TRERF1: variants seen among roughly 807,000 people sequenced by gnomAD.
TRERF1 encodes the protein transcriptional-regulating factor 1.
Under a neutral mutation model 122.9 loss-of-function variants are expected in TRERF1, and 27 were observed. The observed-to-expected ratio is 0.22, with a 90% CI of 0.16 to 0.30. The LOEUF is 0.30. Ranked by LOEUF, TRERF1 falls within the 10% of genes least tolerant of loss-of-function variation. The pLI is 1.00. For missense variants in TRERF1, 1,248 were observed against 1,560.3 expected, an observed-to-expected ratio of 0.80 and a Z score of 3.37; for synonymous variants, 636 against 641.7, an observed-to-expected ratio of 0.99 and a Z score of 0.13.
intron 2 of TRERF1, among the ~76,000 whole-genome samples, chr6:42,386,024 A>C (rs1357359765): frequency 6.6e-6 from 1 of 152,186 alleles, no homozygotes; most frequent in African/African-American, 2.4e-5. Flanking sequence ...CAGAATAACA[A>C]TTCAGAGATT....
intron 2 of TRERF1, among the ~76,000 whole-genome samples, chr6:42,377,853 A>C (rs1382409975): frequency 1.3e-5 from 2 of 152,204 alleles, no homozygotes; most frequent in East Asian, 3.9e-4. Context: ...TGGTAACCTA[A>C]GATGGAAGTG....
chr6:42,375,710 C>T (rs1323585384), intron 2 of TRERF1, among the ~76,000 whole-genome samples: 1 of 152,116 alleles, frequency 6.6e-6, no homozygotes, highest in Admixed American at 6.5e-5. Context: ...CTGAACTAAA[C>T]TGGTCTTGAA....
In TRERF1 at chr6:42,263,125, A is replaced by T. The variant is rs550468363; in HGVS notation, c.1884+195T>A. On this transcript the variant is annotated intron_variant, in intron 8 of 17. Coordinates refer to ENST00000372922, the Ensembl canonical transcript of TRERF1. The surrounding 1 kb of genome is among the most constrained non-coding windows in gnomAD (Gnocchi z 5.6). ...AGTGTGAACAAGGGTAGGGTTCCCA[A>T]TGTGGCCACGGGTTCAGCCCTGAGA... 1.1e-5 allele frequency: 15 copies of T among 1,306,434 alleles called. No homozygotes were observed. The highest frequency in any genetic ancestry group is 2.5e-5 in the South Asian group (1 of 40,292). The allele number at this position is 1,306,434 out of a possible 1,614,324, so 80.9% of individuals were successfully genotyped here.
At chr6:42,365,705 C>A (rs917595252) in intron 2 of TRERF1, among the ~76,000 whole-genome samples, 1 of 152,102 alleles carries the variant, frequency 6.6e-6, no homozygotes, top group African/African-American at 2.4e-5. Flanking sequence ...AGATTTGAAA[C>A]CTTCCACTTC....
rs777652690 is a variant in TRERF1 at position 42,269,064 on chromosome 6, G to T, written c.527C>A (p.Ala176Asp). 37 of 1,614,080 alleles carry T rather than the reference G, an allele frequency of 2.3e-5. No homozygotes were observed. In the East Asian group the frequency reaches 8.2e-4, roughly 36 times the overall value. The stretch of plus-strand genomic sequence containing the variant: ...CAGCTGGCGGAGAGCACTGTCAGGG[G>T]CTCCATCCATCACTGCTGACTGAGT... The change falls in exon 5 of 18, where the codon GCC (alanine) becomes GAC (aspartate). Residue 176 changes from alanine (A) to aspartate (D), a missense_variant. Transcript: ENST00000372922. This position sits in a 1 kb window ranked among gnomAD's most constrained non-coding sequence, Gnocchi z 4.9.
chr6:42,282,943 A>G (rs979847422), intron 4 of TRERF1, among the ~76,000 whole-genome samples: 2 of 152,106 alleles, frequency 1.3e-5, no homozygotes, highest in African/African-American at 4.8e-5. Context: ...TTTAACATCT[A>G]TTTTTTTCAT....
At chr6:42,415,347 C>T (rs183290960) in intron 2 of TRERF1, among the ~76,000 whole-genome samples, 98 of 152,042 alleles carry the variant, frequency 6.4e-4, no homozygotes, top group African/African-American at 2.2e-3. Flanking sequence ...TATCTTTTGA[C>T]TTTGTTTACA....
At chr6:42,299,086 A>G (rs1347545822) in intron 4 of TRERF1, among the ~76,000 whole-genome samples, 1 of 120,006 alleles carries the variant, frequency 8.3e-6, no homozygotes, top group Non-Finnish European at 1.7e-5. Context: ...AAAAATATCT[A>G]TCTATCTATC....
chr6:42,350,288 T>G (rs1249270723), intron 3 of TRERF1, among the ~76,000 whole-genome samples: 1 of 152,226 alleles, frequency 6.6e-6, no homozygotes, highest in Non-Finnish European at 1.5e-5. Flanking sequence ...ACATGTGATT[T>G]GCTTCGGGTC....
At chr6:42,435,964 T>C (rs1406829278) in intron 2 of TRERF1, among the ~76,000 whole-genome samples, 2 of 141,096 alleles carry the variant, frequency 1.4e-5, no homozygotes, top group African/African-American at 2.6e-5. Flanking sequence ...CAGGCGACAG[T>C]GCGAGACTCC....
At chr6:42,415,213 A>C (rs544662627) in intron 2 of TRERF1, among the ~76,000 whole-genome samples, 1 of 152,258 alleles carries the variant, frequency 6.6e-6, no homozygotes, top group South Asian at 2.1e-4. Context: ...ATTTCTATCC[A>C]TGTCCTTTTG....
At chr6:42,408,373 C>A (rs143818031) in intron 2 of TRERF1, among the ~76,000 whole-genome samples, 225 of 62,934 alleles carry the variant, frequency 3.6e-3, no homozygotes, top group East Asian at 0.014. Flanking sequence ...ATATATATAT[C>A]TTTTTTTTTT....
At chr6:42,362,239 A>G (rs911168787) in intron 3 of TRERF1, among the ~76,000 whole-genome samples, 1 of 152,222 alleles carries the variant, frequency 6.6e-6, no homozygotes, top group Non-Finnish European at 1.5e-5. Context: ...ATCAGGCACA[A>G]TAAAAAAGAA....
intron 3 of TRERF1, among the ~76,000 whole-genome samples, chr6:42,320,809 CTAA>C (rs1763309048): frequency 6.6e-6 from 1 of 152,146 alleles, no homozygotes; most frequent in African/African-American, 2.4e-5. Context: ...CGCACCTGGC[CTAA>C]TAATTTTTTT....
At chr6:42,404,960 C>G (rs570701799) in intron 2 of TRERF1, among the ~76,000 whole-genome samples, 2 of 152,250 alleles carry the variant, frequency 1.3e-5, no homozygotes, top group East Asian at 3.9e-4. Flanking sequence ...ATACCCACCC[C>G]CAGGCTACAG....
At chr6:42,361,216 G>A (rs1384100211) in intron 3 of TRERF1, among the ~76,000 whole-genome samples, 11 of 152,308 alleles carry the variant, frequency 7.2e-5, no homozygotes, top group Admixed American at 6.5e-4. Flanking sequence ...AGTCTGCAAC[G>A]TGAAAGCAAC....
chr6:42,398,740 T>C (rs575287703), intron 2 of TRERF1, among the ~76,000 whole-genome samples: 1 of 152,350 alleles, frequency 6.6e-6, no homozygotes, highest in Non-Finnish European at 1.5e-5. Flanking sequence ...GGTGGTTGGA[T>C]GGACGAATGT....
intron 4 of TRERF1, among the ~76,000 whole-genome samples, chr6:42,291,698 T>C (rs542572803): frequency 3.3e-5 from 5 of 151,092 alleles, no homozygotes; most frequent in Non-Finnish European, 7.4e-5. Context: ...CACGCCCGGC[T>C]GTTTTTTTTT....
intron 2 of TRERF1, among the ~76,000 whole-genome samples, chr6:42,435,072 A>C (rs558166688): frequency 6.6e-6 from 1 of 152,130 alleles, no homozygotes; most frequent in East Asian, 1.9e-4. Context: ...CAGAGGTTGC[A>C]GTGAGCCGAG....
Sources: allele counts gnomAD v4.1 joint callset (sites outside exome capture counted in the v4.1 genomes callset), GRCh38; gene constraint gnomAD v4.1.1; non-coding constraint Gnocchi (gnomAD v3.1); transcripts MANE v1.5; gene names NCBI Gene and HGNC (gene_info 2026-07-23, HGNC 2026-07-21).